The following CCNB3 variants were observed in gnomAD, a reference collection of about 807,000 sequenced individuals.
CCNB3 encodes the protein G2/mitotic-specific cyclin-B3.
A neutral mutation model predicts 68.0 loss-of-function variants in CCNB3; 12 were observed. The ratio of observed to expected loss-of-function variants is 0.18; its 90% CI spans 0.11 to 0.29. The LOEUF (loss-of-function observed/expected upper bound fraction) is 0.29. Ranked by LOEUF, CCNB3 falls within the 10% of genes least tolerant of loss-of-function variation. CCNB3 has a pLI of 1.00. For synonymous variants in CCNB3, 354 were observed against 388.9 expected, an observed-to-expected ratio of 0.91 and a Z score of 1.06; for missense variants, 904 against 993.1, an observed-to-expected ratio of 0.91 and a Z score of 1.21.
intron 1 of CCNB3, among the ~76,000 whole-genome samples, chrX:50,207,729 A>AT (rs1369562333): frequency 8.9e-6 from 1 of 111,982 alleles, no homozygotes; most frequent in African/African-American, 3.2e-5. Flanking sequence ...CTACTCTGTT[A>AT]TTTTTTATAA....
intron 1 of CCNB3, among the ~76,000 whole-genome samples, chrX:50,226,952 TATA>T (rs1935853762): frequency 5.2e-5 from 4 of 76,462 alleles, no homozygotes; most frequent in African/African-American, 2.2e-4. Context: ...ATAGAATATA[TATA>T]GTATATATAT....
At chrX:50,340,771 A>G (rs1465387098) in intron 8 of CCNB3, among the ~76,000 whole-genome samples, 1 of 111,891 alleles carries the variant, frequency 8.9e-6, no homozygotes, top group Non-Finnish European at 1.9e-5. Context: ...CTAGGGCTAT[A>G]GGAGATGGTT....
intron 1 of CCNB3, among the ~76,000 whole-genome samples, chrX:50,281,070 G>A (rs1221609110): frequency 9.0e-6 from 1 of 110,772 alleles, no homozygotes; most frequent in African/African-American, 3.3e-5. Context: ...CCAAAAACTC[G>A]TCTTTAAAGA....
intron 1 of CCNB3, among the ~76,000 whole-genome samples, chrX:50,225,982 A>G (rs1935750849): frequency 1.1e-5 from 1 of 93,317 alleles, no homozygotes; most frequent in African/African-American, 3.9e-5. Flanking sequence ...GGGATCATAT[A>G]TATAGAATGT....
chrX:50,210,296 T>G (rs1454675424), intron 1 of CCNB3, among the ~76,000 whole-genome samples: 4 of 111,741 alleles, frequency 3.6e-5, no homozygotes, highest in East Asian at 2.8e-4. Context: ...TCTCAGTATC[T>G]TCTCAGGATG....
intron 9 of CCNB3, among the ~76,000 whole-genome samples, chrX:50,343,340 G>A (rs1394060454): frequency 9.0e-6 from 1 of 111,547 alleles, no homozygotes. Context: ...CCATGTTGGT[G>A]TACTGCACCC....
intron 8 of CCNB3, chrX:50,341,942 T>A: frequency 3.3e-6 from 1 of 301,839 alleles, no homozygotes; most frequent in Non-Finnish European, 5.8e-6. Context: ...AAGGCTCTCA[T>A]AGAGAAGGCA....
chrX:50,324,506 C>T (rs782246755), intron 8 of CCNB3, among the ~76,000 whole-genome samples: 4 of 112,298 alleles, frequency 3.6e-5, no homozygotes, highest in Non-Finnish European at 3.8e-5. Context: ...TTCATATCTA[C>T]ATATTCTTTT....
In CCNB3 at chrX:50,310,815, G is replaced by A; in HGVS notation, c.2646G>A (p.Glu882=). ...TTAAGCGACACTCAGCTTTGTGGGA[G>A]AAGCCCAGCACTGAGAAGGAGACCA... ...ALFKRHSALW[E]KPSTEKETIF... is the part of the protein sequence containing the mutation. The change falls in exon 6 of 13, where the codon GAG becomes GAA. Residue 882 remains glutamate (E), a synonymous_variant. Coordinates refer to ENST00000376042, the MANE Select transcript of CCNB3 (RefSeq NM_033031.3). 3 of 1,211,918 alleles carry A rather than the reference G, an allele frequency of 2.5e-6. No homozygotes were observed. Among genetic ancestry groups the A allele is most frequent in the Non-Finnish European group, 3.3e-6 (3 of 895,554 alleles).
chrX:50,209,019 G>A (rs1163392870), intron 1 of CCNB3, among the ~76,000 whole-genome samples: 1 of 111,758 alleles, frequency 8.9e-6, no homozygotes, highest in Non-Finnish European at 1.9e-5. Context: ...AACTTTATGT[G>A]TGTAGAGTCG....
intron 1 of CCNB3, among the ~76,000 whole-genome samples, chrX:50,215,799 C>G (rs1386216076): frequency 1.8e-5 from 2 of 110,995 alleles, no homozygotes; most frequent in African/African-American, 3.3e-5. Flanking sequence ...ATTACTTTAA[C>G]TGATATTAAT....
Position 50,310,351 on chromosome X carries a change from C to T in CCNB3, c.2182C>T (p.Leu728=). ...GGAAGAAGAGTCCCTTATCAATAAG[C>T]TATTGGCTCTGAAGGAGGAGCTTTC... ...TMEEESLINK[L]LALKEELSAE... The change falls in exon 6 of 13, where the codon CTA becomes TTA. Residue 728 remains leucine (L), a synonymous_variant. Transcript: ENST00000376042. 5.0e-6 allele frequency: 6 copies of T among 1,211,804 alleles called. No individual in the cohort carries two copies. The highest frequency in any genetic ancestry group is 6.7e-6 in the Non-Finnish European group (6 of 895,412).
intron 1 of CCNB3, among the ~76,000 whole-genome samples, chrX:50,227,018 AAT>A (rs1935860121): frequency 1.3e-5 from 1 of 79,471 alleles, no homozygotes. Flanking sequence ...AAATATATAA[AAT>A]ATATATACAA....
chrX:50,283,515 C>T (rs1212652924), intron 1 of CCNB3, among the ~76,000 whole-genome samples: 1 of 111,490 alleles, frequency 9.0e-6, no homozygotes. Flanking sequence ...CAAAATGTTT[C>T]ATCCTTCTCC....
At chrX:50,226,269 GAA>G (rs1406404665) in intron 1 of CCNB3, among the ~76,000 whole-genome samples, 2 of 56,299 alleles carry the variant, frequency 3.6e-5, no homozygotes, top group Non-Finnish European at 5.7e-5. Flanking sequence ...TATATATATA[GAA>G]TATATATATT....
At chrX:50,226,496 A>G (rs1247633408) in intron 1 of CCNB3, among the ~76,000 whole-genome samples, 1 of 64,290 alleles carries the variant, frequency 1.6e-5, no homozygotes, top group Non-Finnish European at 2.7e-5. Flanking sequence ...TAGAATATAT[A>G]AAAATATATA....
Position 50,347,792 on chromosome X carries a change from T to C in CCNB3, c.3960+17T>C, listed in dbSNP as rs782512114. The C allele has an allele frequency of 9.8e-5, 116 of 1,186,360 alleles. No individual in the cohort carries two copies. The highest frequency in any genetic ancestry group is 1.2e-4 in the Non-Finnish European group (106 of 881,113). On this transcript the variant is annotated intron_variant, in intron 11 of 12. Coordinates refer to ENST00000376042, the MANE Select transcript of CCNB3 (RefSeq NM_033031.3). ...GGATACTGGGTAAACACTTGCGAGATAGGGGTATAGGGGTAGAGATTTAAA... is the reference window on the plus strand; with the variant it reads ...GGATACTGGGTAAACACTTGCGAGACAGGGGTATAGGGGTAGAGATTTAAA...
chrX:50,221,189 A>G (rs1935667080), intron 1 of CCNB3, among the ~76,000 whole-genome samples: 2 of 110,314 alleles, frequency 1.8e-5, no homozygotes, highest in African/African-American at 6.6e-5. Flanking sequence ...TCTGGCTAAC[A>G]GTTTATCTAT....
intron 10 of CCNB3, among the ~76,000 whole-genome samples, chrX:50,347,195 A>G (rs1923447408): frequency 1.8e-5 from 2 of 111,187 alleles, no homozygotes; most frequent in African/African-American, 6.6e-5. Flanking sequence ...AGTGCGATGT[A>G]CTTTTCTCTT....
Sources: gnomAD v4.1 joint callset for allele counts (sites outside exome capture counted in the v4.1 genomes callset) on GRCh38, gnomAD v4.1.1 for gene constraint, MANE v1.5 for transcripts, NCBI Gene and HGNC (gene_info 2026-07-23, HGNC 2026-07-21) for gene names.